The following LPIN2 variants were observed in gnomAD, a reference collection of about 807,000 sequenced individuals.
LPIN2 encodes the protein lipin 2, also known as phosphatidate phosphatase LPIN2.
In LPIN2, 55 loss-of-function variants were observed where a neutral mutation model predicts 111.4. The ratio of observed to expected loss-of-function variants is 0.49; its 90% CI spans 0.40 to 0.62. The LOEUF is 0.62. Ranked by LOEUF, LPIN2 falls within the 20% of genes least tolerant of loss-of-function variation. LPIN2 has a pLI of 0.00. For missense variants in LPIN2, 992 were observed against 1,112.1 expected (o/e 0.89, Z 1.54); for synonymous variants, 425 against 414.0 (o/e 1.03, Z -0.32).
intron 17 of LPIN2, 57 bp from the exon 18 acceptor site, chr18:2,921,704 A>C: frequency 8.0e-7 from 1 of 1,255,996 alleles, no homozygotes; most frequent in South Asian, 1.2e-5. Context: ...TTCCCCAGTG[A>C]GTGGTCCTAA....
chr18:2,971,146 C>T (rs1338521115), intron 1 of LPIN2, among the ~76,000 whole-genome samples: 2 of 152,182 alleles, frequency 1.3e-5, no homozygotes, highest in African/African-American at 4.8e-5. Context: ...TTCTACCCAC[C>T]CCAGTCATCA....
intron 1 of LPIN2, among the ~76,000 whole-genome samples, chr18:2,993,594 CA>C (rs2052055957): frequency 1.1e-5 from 1 of 87,264 alleles, no homozygotes; most frequent in South Asian, 5.1e-4. Context: ...GATTCCACAG[CA>C]ATAACTTCAA....
chr18:2,995,764 G>C (rs1390897122), intron 1 of LPIN2, among the ~76,000 whole-genome samples: 1 of 152,172 alleles, frequency 6.6e-6, no homozygotes, highest in African/African-American at 2.4e-5. Flanking sequence ...GAAGGGTAAA[G>C]ATTTTCCACC....
At chr18:2,957,289 C>G (rs546407881) in intron 2 of LPIN2, among the ~76,000 whole-genome samples, 1 of 152,242 alleles carries the variant, frequency 6.6e-6, no homozygotes, top group South Asian at 2.1e-4. Flanking sequence ...ATCCAAAAAT[C>G]TGAAATCTAA....
At chr18:2,937,477 G>A (rs1249604860) in intron 7 of LPIN2, among the ~76,000 whole-genome samples, 1 of 146,830 alleles carries the variant, frequency 6.8e-6, no homozygotes, top group Non-Finnish European at 1.5e-5. Flanking sequence ...CCCGGGAGGC[G>A]GAAGTTGCAG....
intron 1 of LPIN2, among the ~76,000 whole-genome samples, chr18:2,990,131 A>G (rs1433858305): frequency 1.1e-4 from 17 of 152,192 alleles, no homozygotes; most frequent in East Asian, 7.7e-4. Flanking sequence ...ATGCAAAAGA[A>G]TGAAGTTGGA....
chr18:2,971,733 A>G (rs1316004229), intron 1 of LPIN2, among the ~76,000 whole-genome samples: 5 of 135,040 alleles, frequency 3.7e-5, no homozygotes, highest in Non-Finnish European at 6.3e-5. Flanking sequence ...GAAGATACAT[A>G]TAACCATGCA....
intron 9 of LPIN2, among the ~76,000 whole-genome samples, chr18:2,929,479 GACAC>G (rs35029198): frequency 5.3e-5 from 8 of 152,056 alleles, no homozygotes; most frequent in East Asian, 1.9e-4. Context: ...AAGACAGACA[GACAC>G]ACACACACGA....
chr18:2,959,236 G>C (rs1430925199), intron 2 of LPIN2, among the ~76,000 whole-genome samples: 1 of 152,212 alleles, frequency 6.6e-6, no homozygotes, highest in Non-Finnish European at 1.5e-5. Flanking sequence ...TTCTCCAGTG[G>C]AAACTGATTT....
At chr18:3,003,528 A>AT (rs1213538103) in intron 1 of LPIN2, among the ~76,000 whole-genome samples, 4 of 152,226 alleles carry the variant, frequency 2.6e-5, no homozygotes, top group African/African-American at 9.6e-5. Flanking sequence ...AGTTCCCAAA[A>AT]TTAATACCTT....
At chr18:2,931,577 T>A in intron 8 of LPIN2, 134 bp from the exon 9 acceptor site, 1 of 802,222 alleles carries the variant, frequency 1.2e-6, no homozygotes, top group Admixed American at 2.0e-5. Flanking sequence ...CAATCAGGCA[T>A]AACTTTTCTT....
chr18:2,924,627 G>A (rs1041183077), intron 14 of LPIN2, 81 bp from the exon 15 acceptor site: 4 of 1,438,738 alleles, frequency 2.8e-6, no homozygotes, highest in African/African-American at 2.8e-5. Context: ...AACAACTGGT[G>A]TCTCGGAATC....
chr18:3,011,785 C>G (rs1246253518), intron 1 of LPIN2: 2 of 152,310 alleles, frequency 1.3e-5, no homozygotes, highest in African/African-American at 4.8e-5. Flanking sequence ...TGGCTTCACA[C>G]TGTTCTTTTT....
intron 1 of LPIN2, among the ~76,000 whole-genome samples, chr18:2,965,628 G>A (rs1410678918): frequency 1.3e-5 from 2 of 151,372 alleles, no homozygotes; most frequent in African/African-American, 2.4e-5. Flanking sequence ...TACTCGGGAG[G>A]CTGAGGCAGG....
intron 1 of LPIN2, among the ~76,000 whole-genome samples, chr18:3,007,193 T>C (rs764732979): frequency 6.6e-6 from 1 of 152,078 alleles, no homozygotes; most frequent in South Asian, 2.1e-4. Context: ...TTTTTTGAGA[T>C]GGAGTCTTGC....
At chr18:2,983,229 G>A (rs2078138694) in intron 1 of LPIN2, among the ~76,000 whole-genome samples, 2 of 152,272 alleles carry the variant, frequency 1.3e-5, no homozygotes, top group South Asian at 2.1e-4. Context: ...GAGCAGCAGG[G>A]AGCTTCCCAA....
intron 1 of LPIN2, among the ~76,000 whole-genome samples, chr18:2,998,789 C>T (rs1157775826): frequency 1.3e-5 from 2 of 152,022 alleles, no homozygotes; most frequent in Non-Finnish European, 2.9e-5. Context: ...AACATGTTCA[C>T]GAAACTATGC....
At chr18:2,958,430 G>A (rs1286498097) in intron 2 of LPIN2, among the ~76,000 whole-genome samples, 1 of 152,008 alleles carries the variant, frequency 6.6e-6, no homozygotes, top group African/African-American at 2.4e-5. Flanking sequence ...ACCCGTATTT[G>A]AAAATTTGGG....
intron 1 of LPIN2, among the ~76,000 whole-genome samples, chr18:2,973,099 G>T (rs1050741678): frequency 2.0e-5 from 3 of 151,922 alleles, no homozygotes; most frequent in African/African-American, 7.3e-5. Context: ...TATCAGCACA[G>T]AAAAAATTCC....
Sources: gnomAD v4.1 joint callset for allele counts (sites outside exome capture counted in the v4.1 genomes callset) on GRCh38, gnomAD v4.1.1 for gene constraint, MANE v1.5 for transcripts, NCBI Gene and HGNC (gene_info 2026-07-23, HGNC 2026-07-21) for gene names.